AP4E1: variants seen among roughly 807,000 people sequenced by gnomAD.
AP4E1 encodes AP-4 complex subunit epsilon-1.
A neutral mutation model predicts 128.2 loss-of-function variants in AP4E1; 56 were observed. The ratio of observed to expected loss-of-function variants is 0.44; its 90% CI spans 0.35 to 0.55. AP4E1 has a LOEUF of 0.55. AP4E1 is among the 20% of genes least tolerant of loss of function. The pLI is 0.00. For missense variants in AP4E1, 1,324 were observed against 1,307.7 expected, an observed-to-expected ratio of 1.01 and a Z score of -0.19; for synonymous variants, 484 against 473.1, an observed-to-expected ratio of 1.02 and a Z score of -0.30.
Position 50,930,838 on chromosome 15 carries a change from A to T in AP4E1, c.736A>T (p.Ser246Cys). 1.9e-6 allele frequency: 3 copies of T among 1,614,134 alleles called. No homozygotes were observed. Among genetic ancestry groups the T allele is most frequent in the Non-Finnish European group, 1.7e-6 (2 of 1,180,020 alleles). The change falls in exon 7 of 21, where the codon AGT (serine) becomes TGT (cysteine). Residue 246 changes from serine (S) to cysteine (C), a missense_variant. Coordinates refer to ENST00000261842, the MANE Select transcript of AP4E1 (RefSeq NM_007347.5). ...ATCTGGATATAAAGACTTGACTGGGAGTTTTGTAACCATTTTGAAGCAAGT... is the reference window on the plus strand; with the variant it reads ...ATCTGGATATAAAGACTTGACTGGGTGTTTTGTAACCATTTTGAAGCAAGT... The part of the protein sequence containing the change: ...NSSGYKDLTG[S>C]FVTILKQVVG...
intron 5 of AP4E1, among the ~76,000 whole-genome samples, chr15:50,927,532 T>C (rs1039455746): frequency 6.6e-6 from 1 of 151,382 alleles, no homozygotes; most frequent in Non-Finnish European, 1.5e-5. Flanking sequence ...TTTTTTTTTT[T>C]CCTCACTTCA....
chr15:50,966,083 A>T (rs555308076), intron 14 of AP4E1, among the ~76,000 whole-genome samples: 9 of 151,890 alleles, frequency 5.9e-5, no homozygotes, highest in Admixed American at 1.3e-4. Context: ...ACGCCTGGCT[A>T]ATTTTTTCTG....
intron 16 of AP4E1, among the ~76,000 whole-genome samples, chr15:50,988,103 A>G (rs373858924): frequency 3.9e-5 from 6 of 152,182 alleles, no homozygotes; most frequent in Admixed American, 3.3e-4. Context: ...AGGTGAACAT[A>G]AAATAAGGTG....
chr15:51,000,313 G>A (rs2064944127), intron 19 of AP4E1, among the ~76,000 whole-genome samples: 1 of 151,734 alleles, frequency 6.6e-6, no homozygotes, highest in Non-Finnish European at 1.5e-5. Context: ...GCTAATTTTT[G>A]TGTTTTTTGT....
chr15:50,925,418 T>G (rs1017683930), intron 5 of AP4E1, among the ~76,000 whole-genome samples, 199 bp downstream of exon 5: 9 of 152,186 alleles, frequency 5.9e-5, no homozygotes, highest in African/African-American at 2.2e-4. Flanking sequence ...AAAGTTAGAC[T>G]AAGAGACAGT....
intron 1 of AP4E1, among the ~76,000 whole-genome samples, chr15:50,911,653 T>G (rs2063568629): frequency 9.1e-6 from 1 of 109,442 alleles, no homozygotes; most frequent in Non-Finnish European, 1.9e-5. Context: ...AATGTTTGTA[T>G]TTTTAGTAGG....
intron 16 of AP4E1, among the ~76,000 whole-genome samples, chr15:50,986,162 C>T (rs942011867): frequency 1.5e-4 from 23 of 151,958 alleles, no homozygotes; most frequent in African/African-American, 5.6e-4. Flanking sequence ...GATTTTGTAT[C>T]CTGAGACTTT....
intron 15 of AP4E1, among the ~76,000 whole-genome samples, chr15:50,978,490 T>C (rs1408744783): frequency 1.3e-5 from 2 of 152,218 alleles, no homozygotes; most frequent in Non-Finnish European, 2.9e-5. Context: ...CAGTACAAAG[T>C]ATGATAAATG....
intron 16 of AP4E1, among the ~76,000 whole-genome samples, chr15:50,985,791 CG>C (rs1013786450): frequency 6.6e-6 from 1 of 152,084 alleles, no homozygotes; most frequent in Non-Finnish European, 1.5e-5. Flanking sequence ...CTTGGCAATG[CG>C]GGCTCTTTTT....
chr15:50,999,285 A>G, intron 19 of AP4E1, 23 bp downstream of exon 19: 1 of 1,592,160 alleles, frequency 6.3e-7, no homozygotes, highest in Non-Finnish European at 8.6e-7. Flanking sequence ...TGAAATGTTA[A>G]TTCAAGTTGT....
At chr15:50,962,413 A>G (rs1305261762) in intron 14 of AP4E1, among the ~76,000 whole-genome samples, 2 of 152,122 alleles carry the variant, frequency 1.3e-5, no homozygotes, top group African/African-American at 4.8e-5. Context: ...AGAAAGACAT[A>G]CACACCAATG....
At chr15:50,909,797 C>T (rs1267423755) in intron 1 of AP4E1, among the ~76,000 whole-genome samples, 2 of 151,902 alleles carry the variant, frequency 1.3e-5, no homozygotes, top group Non-Finnish European at 2.9e-5. Flanking sequence ...ACGCCATTCT[C>T]CTGCCTCAGC....
chr15:50,931,743 C>A (rs545148057), intron 7 of AP4E1, among the ~76,000 whole-genome samples: 1 of 152,022 alleles, frequency 6.6e-6, no homozygotes, highest in African/African-American at 2.4e-5. Flanking sequence ...AAGTATTATT[C>A]TTTTAATTTT....
At chr15:50,928,912 A>T in intron 5 of AP4E1, 97 bp from the exon 6 acceptor site, 1 of 1,122,462 alleles carries the variant, frequency 8.9e-7, no homozygotes. Context: ...AATTAAGGTA[A>T]TGAGCCAGTA....
intron 13 of AP4E1, among the ~76,000 whole-genome samples, chr15:50,955,037 G>T (rs1321830671): frequency 6.6e-6 from 1 of 152,094 alleles, no homozygotes; most frequent in African/African-American, 2.4e-5. Flanking sequence ...CCTTTTTATG[G>T]CTGCATAGTA....
intron 7 of AP4E1, among the ~76,000 whole-genome samples, chr15:50,933,674 T>C (rs1436911877): frequency 2.0e-5 from 3 of 152,176 alleles, no homozygotes; most frequent in Non-Finnish European, 2.9e-5. Flanking sequence ...AATGTGGTTC[T>C]GGATTCTTAA....
intron 5 of AP4E1, among the ~76,000 whole-genome samples, chr15:50,925,776 C>G (rs900288029): frequency 3.3e-5 from 5 of 150,530 alleles, no homozygotes; most frequent in African/African-American, 1.2e-4. Context: ...ATTACAGGTG[C>G]CTGCCACCAT....
chr15:50,952,123 G>A (rs901198684), intron 13 of AP4E1, among the ~76,000 whole-genome samples: 2 of 152,090 alleles, frequency 1.3e-5, no homozygotes, highest in Non-Finnish European at 2.9e-5. Context: ...GAGCTGTTTA[G>A]AATTGAATTG....
rs1567270344 is a variant in AP4E1 at position 51,002,653 on chromosome 15, G to C, written c.3405G>C (p.Glu1135Asp). The change falls in exon 21 of 21, where the codon GAG (glutamate) becomes GAC (aspartate). Residue 1135 changes from glutamate (E) to aspartate (D), a missense_variant. By Grantham distance (45) the Glu-to-Asp change is conservative. Transcript: ENST00000261842. ...YLLYQCQKVM[E>D]GS Reference sequence around the variant, plus strand: ...TGTATCAGTGTCAAAAGGTGATGGAGGGATCCTAGCAGAAGCCCTGCTAAA... The same window carrying C: ...TGTATCAGTGTCAAAAGGTGATGGACGGATCCTAGCAGAAGCCCTGCTAAA... The C allele has an allele frequency of 1.2e-6, 2 of 1,613,980 alleles. No homozygotes were observed. Among genetic ancestry groups the C allele is most frequent in the Non-Finnish European group, 1.7e-6 (2 of 1,179,946 alleles).
Sources: gnomAD v4.1 joint callset for allele counts (sites outside exome capture counted in the v4.1 genomes callset) on GRCh38, gnomAD v4.1.1 for gene constraint, MANE v1.5 for transcripts, NCBI Gene and HGNC (gene_info 2026-07-23, HGNC 2026-07-21) for gene names.